The following TBCA variants were observed in gnomAD, a reference collection of about 807,000 sequenced individuals.
TBCA encodes the protein tubulin folding cofactor A.
A neutral mutation model predicts 15.8 loss-of-function variants in TBCA; 6 were observed. That is an observed-to-expected ratio of 0.38 (90% CI 0.21 to 0.75). The LOEUF (loss-of-function observed/expected upper bound fraction) is 0.75. Ranked by LOEUF, TBCA falls within the 30% of genes least tolerant of loss-of-function variation. The pLI is 0.46. For synonymous variants in TBCA, 32 were observed against 42.3 expected, an observed-to-expected ratio of 0.76 and a Z score of 0.94; for missense variants, 90 against 131.2, an observed-to-expected ratio of 0.69 and a Z score of 1.53.
chr5:77,703,967 C>A (rs926899305), intron 2 of TBCA, among the ~76,000 whole-genome samples: 1 of 152,072 alleles, frequency 6.6e-6, no homozygotes, highest in Non-Finnish European at 1.5e-5. Flanking sequence ...TGCGGCACTT[C>A]CCACTTGTTC....
intron 1 of TBCA, chr5:77,715,153 G>T: frequency 1.5e-6 from 1 of 669,360 alleles, no homozygotes; most frequent in Non-Finnish European, 2.7e-6. Context: ...AATAACTGAT[G>T]AAAGAAGTTA....
At chr5:77,736,978 T>C (rs778524867) in intron 1 of TBCA, among the ~76,000 whole-genome samples, 4 of 152,202 alleles carry the variant, frequency 2.6e-5, no homozygotes, top group Non-Finnish European at 5.9e-5. Context: ...CTGCTTAAAC[T>C]AAAGGCATAT....
chr5:77,731,251 T>C (rs1263437108), intron 1 of TBCA, among the ~76,000 whole-genome samples: 4 of 152,222 alleles, frequency 2.6e-5, no homozygotes, highest in Non-Finnish European at 5.9e-5. Context: ...TATTACCATG[T>C]GCTTATTTGC....
At chr5:77,743,596 C>G (rs1747099512) in intron 1 of TBCA, among the ~76,000 whole-genome samples, 1 of 152,180 alleles carries the variant, frequency 6.6e-6, no homozygotes, top group African/African-American at 2.4e-5. Flanking sequence ...TCCCATGTCT[C>G]CCAGGAGAAG....
chr5:77,694,698 C>T (rs959621312), intron 2 of TBCA, among the ~76,000 whole-genome samples: 3 of 152,244 alleles, frequency 2.0e-5, no homozygotes, highest in South Asian at 2.1e-4. Context: ...AGGAGATTAA[C>T]GGTAATAATA....
At chr5:77,732,532 C>T (rs536321767) in intron 1 of TBCA, among the ~76,000 whole-genome samples, 7 of 111,212 alleles carry the variant, frequency 6.3e-5, no homozygotes, top group Non-Finnish European at 1.2e-4. Flanking sequence ...GTCTGGGCGA[C>T]AGAGTGAGAC....
chr5:77,723,620 G>C (rs147609675), intron 1 of TBCA, among the ~76,000 whole-genome samples: 61 of 151,664 alleles, frequency 4.0e-4, no homozygotes, highest in African/African-American at 1.4e-3. Context: ...ATTGAGAATG[G>C]CCTTAAAAAA....
intron 2 of TBCA, among the ~76,000 whole-genome samples, chr5:77,699,704 T>C (rs1745963055): frequency 6.6e-6 from 1 of 152,052 alleles, no homozygotes; most frequent in Non-Finnish European, 1.5e-5. Flanking sequence ...AAAAGTATGA[T>C]TCATAAAAGG....
chr5:77,764,265 T>G (rs921429193), intron 1 of TBCA, among the ~76,000 whole-genome samples: 1 of 152,202 alleles, frequency 6.6e-6, no homozygotes, highest in African/African-American at 2.4e-5. Flanking sequence ...AGCACAAAAT[T>G]AGATGTTATT....
intron 2 of TBCA, among the ~76,000 whole-genome samples, chr5:77,697,130 C>A (rs916083636): frequency 1.3e-5 from 2 of 152,202 alleles, no homozygotes; most frequent in African/African-American, 4.8e-5. Context: ...GAAAAACAGA[C>A]AAATCCATAT....
At chr5:77,741,746 T>C (rs1016703587) in intron 1 of TBCA, among the ~76,000 whole-genome samples, 1 of 151,674 alleles carries the variant, frequency 6.6e-6, no homozygotes, top group Non-Finnish European at 1.5e-5. Context: ...CAATAAAGAG[T>C]AGGAAAGTTG....
intron 1 of TBCA, among the ~76,000 whole-genome samples, chr5:77,743,454 T>C (rs1427470753): frequency 1.3e-5 from 2 of 152,174 alleles, no homozygotes; most frequent in Non-Finnish European, 2.9e-5. Flanking sequence ...CAGACTACAA[T>C]GCAGTTCTGA....
Position 77,764,175 on chromosome 5 carries a change from A to T in TBCA, c.53+12030T>A, listed in dbSNP as rs186495608. On this transcript the variant is annotated intron_variant, in intron 1 of 3. Transcript: ENST00000380377. The stretch of plus-strand genomic sequence containing the variant: ...CCAAAAGTAAATGACACGTTTTAGC[A>T]ATACACAAATAAAATTATATTTTAA... 3.4e-4 allele frequency among the ~76,000 whole-genome samples: 52 copies of T among 152,350 alleles called. 2 individuals are homozygous for T.
intron 2 of TBCA, among the ~76,000 whole-genome samples, chr5:77,699,229 A>G (rs2546163): frequency 0.23 from 35,416 of 151,982 alleles, 4,762 homozygotes; most frequent in Non-Finnish European, 0.31. Flanking sequence ...CCTATCAAAA[A>G]GTGTTTTATA....
At chr5:77,722,427 G>A (rs917218932) in intron 1 of TBCA, among the ~76,000 whole-genome samples, 9 of 151,990 alleles carry the variant, frequency 5.9e-5, no homozygotes, top group African/African-American at 2.2e-4. Context: ...AATAGATATG[G>A]CAAAAGTAAA....
chr5:77,711,785 GC>G (rs1305819534), intron 1 of TBCA, among the ~76,000 whole-genome samples: 2 of 152,136 alleles, frequency 1.3e-5, no homozygotes, highest in Non-Finnish European at 2.9e-5. Flanking sequence ...GAAAACAGCA[GC>G]AATGGCTCCA....
intron 1 of TBCA, among the ~76,000 whole-genome samples, chr5:77,772,821 A>G (rs1249862085): frequency 6.6e-6 from 1 of 152,246 alleles, no homozygotes; most frequent in Non-Finnish European, 1.5e-5. Flanking sequence ...TTTATTTCTA[A>G]GCAGTTTACA....
At chr5:77,753,036 A>T (rs1047972013) in intron 1 of TBCA, among the ~76,000 whole-genome samples, 1 of 152,128 alleles carries the variant, frequency 6.6e-6, no homozygotes, top group Non-Finnish European at 1.5e-5. Flanking sequence ...AAAAAATTAC[A>T]TTTTCTTTAG....
At chr5:77,703,307 T>C (rs1351883993) in intron 2 of TBCA, among the ~76,000 whole-genome samples, 2 of 152,150 alleles carry the variant, frequency 1.3e-5, no homozygotes, top group African/African-American at 2.4e-5. Context: ...CTGAGTGTCA[T>C]TACTGCCAAT....
Sources: allele counts gnomAD v4.1 joint callset (sites outside exome capture counted in the v4.1 genomes callset), GRCh38; gene constraint gnomAD v4.1.1; transcripts MANE v1.5; gene names NCBI Gene and HGNC (gene_info 2026-07-23, HGNC 2026-07-21).